PTPRT: variants seen among roughly 807,000 people sequenced by gnomAD.
PTPRT encodes the protein protein tyrosine phosphatase receptor type T.
PTPRT carries 56 observed loss-of-function variants against 176.8 expected under a neutral mutation model. The observed-to-expected ratio is 0.32, with a 90% CI of 0.26 to 0.40. PTPRT has a LOEUF of 0.40. Among genes scored for constraint, PTPRT ranks in the 10% least tolerant of loss-of-function variants. PTPRT has a pLI of 1.00. For missense variants in PTPRT, 1,540 were observed against 1,908.2 expected (o/e 0.81, Z 3.60); for synonymous variants, 783 against 739.0 (o/e 1.06, Z -0.96).
intron 1 of PTPRT, among the ~76,000 whole-genome samples, chr20:43,162,668 G>C (rs1484226897): frequency 7.9e-6 from 1 of 126,748 alleles, no homozygotes; most frequent in Non-Finnish European, 1.9e-5. Flanking sequence ...CAAGCTTCCA[G>C]GATCTGGTCT....
chr20:42,142,143 G>A (rs1282380501), intron 17 of PTPRT, 141 bp from the exon 18 acceptor site: 1 of 698,220 alleles, frequency 1.4e-6, no homozygotes, highest in Non-Finnish European at 2.5e-6. Context: ...TGGGGCCTGG[G>A]GAGGACATAG....
At chr20:42,558,781 C>T (rs182056970) in intron 7 of PTPRT, among the ~76,000 whole-genome samples, 140 of 152,262 alleles carry the variant, frequency 9.2e-4, no homozygotes, top group African/African-American at 3.1e-3. Context: ...AATACAGCCA[C>T]GTGCATTTAC....
chr20:42,203,857 G>C (rs2055384505), intron 15 of PTPRT, among the ~76,000 whole-genome samples: 1 of 152,170 alleles, frequency 6.6e-6, no homozygotes, highest in Non-Finnish European at 1.5e-5. Flanking sequence ...GGAGGGTTTT[G>C]GTGCCATGTT....
intron 18 of PTPRT, among the ~76,000 whole-genome samples, chr20:42,136,666 T>A (rs552189391): frequency 6.6e-6 from 1 of 152,266 alleles, no homozygotes; most frequent in East Asian, 1.9e-4. Context: ...AAGGATGCCA[T>A]CCAGGCACTG....
intron 6 of PTPRT, among the ~76,000 whole-genome samples, chr20:42,692,629 T>A (rs2075809620): frequency 1.3e-5 from 2 of 152,124 alleles, no homozygotes; most frequent in African/African-American, 4.8e-5. Context: ...ATTTCCCCAA[T>A]TCTACTGGTA....
chr20:42,994,652 T>C (rs1351781010), intron 1 of PTPRT, among the ~76,000 whole-genome samples: 1 of 152,186 alleles, frequency 6.6e-6, no homozygotes, highest in East Asian at 1.9e-4. Flanking sequence ...ACTAATATAA[T>C]GTTATAACCA....
chr20:42,485,061 T>G (rs1250963143), intron 7 of PTPRT, among the ~76,000 whole-genome samples: 2 of 152,150 alleles, frequency 1.3e-5, no homozygotes, highest in Non-Finnish European at 2.9e-5. Flanking sequence ...TGGGAAGAAT[T>G]AAAGGAACAG....
At chr20:42,269,344 C>T (rs987400089) in intron 13 of PTPRT, among the ~76,000 whole-genome samples, 2 of 152,188 alleles carry the variant, frequency 1.3e-5, no homozygotes, top group African/African-American at 4.8e-5. Context: ...TCATCACAGC[C>T]TGCTGCACCT....
intron 1 of PTPRT, among the ~76,000 whole-genome samples, chr20:43,041,158 C>G (rs994327062): frequency 1.3e-5 from 2 of 152,164 alleles, no homozygotes; most frequent in Non-Finnish European, 2.9e-5. Context: ...AACTAAGACT[C>G]GGAGAGCTTA....
At chr20:42,819,699 G>A (rs769401556) in intron 2 of PTPRT, among the ~76,000 whole-genome samples, 21 of 150,708 alleles carry the variant, frequency 1.4e-4, no homozygotes, top group Non-Finnish European at 2.2e-4. Flanking sequence ...ATAATGAGAC[G>A]GAGGAAAATC....
At chr20:42,296,208 G>A (rs544615846) in intron 12 of PTPRT, among the ~76,000 whole-genome samples, 1 of 152,350 alleles carries the variant, frequency 6.6e-6, no homozygotes, top group South Asian at 2.1e-4. Context: ...AGCACTTTGG[G>A]AGGCTGAGGC....
chr20:42,856,079 A>G (rs2145776640), intron 2 of PTPRT, among the ~76,000 whole-genome samples: 1 of 152,274 alleles, frequency 6.6e-6, no homozygotes, highest in African/African-American at 2.4e-5. Context: ...GAGCAAACTG[A>G]AGCTTTAGGG....
chr20:42,938,713 G>T (rs1980361705), intron 1 of PTPRT, among the ~76,000 whole-genome samples: 1 of 152,140 alleles, frequency 6.6e-6, no homozygotes, highest in Admixed American at 6.5e-5. Flanking sequence ...ATTGTGCAAT[G>T]AAAGAAGGTA....
chr20:42,972,201 T>C (rs763414103), intron 1 of PTPRT, among the ~76,000 whole-genome samples: 12 of 145,862 alleles, frequency 8.2e-5, no homozygotes, highest in African/African-American at 1.3e-4. Context: ...CGGCATTCCA[T>C]GCAGAGGAAA....
chr20:42,062,090 G>A, the PTPRT span, among the ~76,000 whole-genome samples: 3 of 152,300 alleles, frequency 2.0e-5, no homozygotes, highest in South Asian at 2.1e-4. Context: ...TCCGCAGGTA[G>A]GGTACACTAT....
At chr20:42,416,789 G>A (rs959647442) in intron 9 of PTPRT, among the ~76,000 whole-genome samples, 1 of 152,114 alleles carries the variant, frequency 6.6e-6, no homozygotes, top group Non-Finnish European at 1.5e-5. Context: ...ATTAAGACAA[G>A]CAATGTGGAA....
chr20:43,054,084 T>A (rs1987146680), intron 1 of PTPRT, among the ~76,000 whole-genome samples: 1 of 152,216 alleles, frequency 6.6e-6, no homozygotes, highest in East Asian at 1.9e-4. Flanking sequence ...ACAAGAAGCC[T>A]CAGCTCAAGT....
intron 6 of PTPRT, among the ~76,000 whole-genome samples, chr20:42,698,527 A>G (rs550505666): frequency 6.6e-6 from 1 of 152,218 alleles, no homozygotes. Context: ...CATGGGTTGC[A>G]CCAGTGGCCT....
chr20:42,259,667 C>G (rs541371056), intron 13 of PTPRT, among the ~76,000 whole-genome samples: 1 of 152,094 alleles, frequency 6.6e-6, no homozygotes, highest in Non-Finnish European at 1.5e-5. Flanking sequence ...GGTTTCAGAC[C>G]GCAGTCAAGG....
Sources: allele counts gnomAD v4.1 joint callset (sites outside exome capture counted in the v4.1 genomes callset), GRCh38; gene constraint gnomAD v4.1.1; transcripts MANE v1.5; gene names NCBI Gene and HGNC (gene_info 2026-07-23, HGNC 2026-07-21).